The following PRKD3 variants were observed in gnomAD, a reference collection of about 807,000 sequenced individuals.
PRKD3 encodes serine/threonine-protein kinase D3.
PRKD3 carries 47 observed loss-of-function variants against 99.2 expected under a neutral mutation model. The ratio of observed to expected loss-of-function variants is 0.47; its 90% CI spans 0.38 to 0.60. The LOEUF (loss-of-function observed/expected upper bound fraction) is 0.60, where lower values mean the gene tolerates loss of function less well. Ranked by LOEUF, PRKD3 falls within the 20% of genes least tolerant of loss-of-function variation. The pLI, the probability that PRKD3 is intolerant of heterozygous loss-of-function variation, is 0.00. For synonymous variants in PRKD3, 392 were observed against 355.4 expected, an observed-to-expected ratio of 1.10 and a Z score of -1.16; for missense variants, 1,019 against 1,088.4, an observed-to-expected ratio of 0.94 and a Z score of 0.90.
rs181235463 is a variant in PRKD3 at position 37,261,632 on chromosome 2, T to A, written c.1885-1248A>T. 8.6e-3 allele frequency among the ~76,000 whole-genome samples: 1,290 copies of A among 150,734 alleles called. 28 individuals carry two copies. The highest frequency in any genetic ancestry group is 0.03 in the African/African-American group (1,240 of 40,870). On this transcript the variant is annotated intron_variant, in intron 14 of 18. Transcript: ENST00000234179. ...CTAGTCTCTACTAAAAATACAAAAT[T>A]AGCCGGGTGTGGTGGCGCAAGCCTG...
intron 16 of PRKD3, among the ~76,000 whole-genome samples, chr2:37,257,671 GAAAAAAA>G (rs1164110574): frequency 1.1e-4 from 3 of 28,566 alleles, no homozygotes; most frequent in Non-Finnish European, 2.2e-4. Flanking sequence ...TGTCTCAAAA[GAAAAAAA>G]AAAAAAAAAA....
At chr2:37,314,899 TAA>T (rs1671592764) in intron 2 of PRKD3, among the ~76,000 whole-genome samples, 2 of 152,172 alleles carry the variant, frequency 1.3e-5, no homozygotes, top group Non-Finnish European at 2.9e-5. Flanking sequence ...TCTACAGAAG[TAA>T]AGTTATTCTT....
chr2:37,277,890 G>A lies in PRKD3; in HGVS notation c.1272C>T (p.Val424=), dbSNP rs867742856. 1.9e-6 allele frequency: 3 copies of A among 1,613,570 alleles called. No homozygotes were observed. The Middle Eastern group carries it at 5.0e-4, about 267-fold the overall frequency. Residue 424 remains valine, a synonymous_variant, in exon 9 of 19, where the codon GTC becomes GTT. Coordinates refer to ENST00000234179, the MANE Select transcript of PRKD3 (RefSeq NM_005813.6). ...SSTMVKEGWM[V]HYTSRDNLRK... ...CCAGGTTATCCCTGCTGGTGTAATG[G>A]ACCATCCACCCTTCCTTCACCATTG...
chr2:37,263,074 G>C (rs951334907), intron 14 of PRKD3, among the ~76,000 whole-genome samples: 1 of 151,726 alleles, frequency 6.6e-6, no homozygotes, highest in Non-Finnish European at 1.5e-5. Context: ...ATTCCTTTCT[G>C]CTTTCTTTAG....
intron 2 of PRKD3, among the ~76,000 whole-genome samples, chr2:37,312,998 AG>A (rs1434565136): frequency 6.6e-6 from 1 of 152,254 alleles, no homozygotes; most frequent in African/African-American, 2.4e-5. Context: ...AAATGACAAT[AG>A]GAAGAAAATA....
At chr2:37,261,968 G>A (rs1035460819) in intron 14 of PRKD3, among the ~76,000 whole-genome samples, 3 of 152,138 alleles carry the variant, frequency 2.0e-5, no homozygotes, top group East Asian at 1.9e-4. Context: ...AGTGTAAAAT[G>A]GTCTTTGTGT....
At chr2:37,301,086 A>C (rs1407657818) in intron 2 of PRKD3, among the ~76,000 whole-genome samples, 1 of 152,202 alleles carries the variant, frequency 6.6e-6, no homozygotes, top group African/African-American at 2.4e-5. Flanking sequence ...TCTTTTCTGT[A>C]AATTAGGAAT....
chr2:37,301,083 T>C (rs766707992), intron 2 of PRKD3, among the ~76,000 whole-genome samples: 3 of 152,266 alleles, frequency 2.0e-5, no homozygotes, highest in Non-Finnish European at 2.9e-5. Context: ...TTTTCTTTTC[T>C]GTAAATTAGG....
chr2:37,313,496 A>G (rs1482483096), intron 2 of PRKD3, among the ~76,000 whole-genome samples: 1 of 152,232 alleles, frequency 6.6e-6, no homozygotes, highest in African/African-American at 2.4e-5. Context: ...TATGGAAAAC[A>G]GTATTAAATA....
rs765143492 is a variant in PRKD3 at position 37,256,795 on chromosome 2, C to T, written c.2280G>A (p.Trp760Ter). The T allele has an allele frequency of 1.9e-6, 3 of 1,613,834 alleles. No individual in the cohort carries two copies. The highest frequency in any genetic ancestry group is 2.5e-6 in the Non-Finnish European group (3 of 1,179,998). The change falls in exon 17 of 19, where the codon TGG becomes TGA. Residue 760 changes from tryptophan (W) to a stop codon, truncating the protein, a stop_gained. Coordinates refer to ENST00000234179, the MANE Select transcript of PRKD3 (RefSeq NM_005813.6). LOFTEE classifies it high-confidence loss of function. ...SKGYNRSLDM[W>*]SVGVIIYVSL... ...TCACATAGATGATAACTCCCACTGA[C>T]CACATATCTAGGGAACGGTTGTAAC...
chr2:37,267,612 T>A (rs542564244), intron 13 of PRKD3, 76 bp from the exon 14 acceptor site: 1 of 1,042,908 alleles, frequency 9.6e-7, no homozygotes, highest in Non-Finnish European at 1.5e-6. Context: ...AGACTGAAAT[T>A]TATATGTATT....
chr2:37,290,834 T>C (rs1243313462), intron 4 of PRKD3, 34 bp downstream of exon 4: 1 of 1,546,442 alleles, frequency 6.5e-7, no homozygotes. Flanking sequence ...TGGAATCTTA[T>C]TTCAAATGAC....
chr2:37,308,259 T>A (rs1180855098), intron 2 of PRKD3, among the ~76,000 whole-genome samples: 2 of 152,218 alleles, frequency 1.3e-5, no homozygotes, highest in Non-Finnish European at 2.9e-5. Context: ...TATATATGTA[T>A]ACGTTATAAT....
Position 37,252,641 on chromosome 2 carries a change from C to T in PRKD3, c.*536G>A, listed in dbSNP as rs188065403. ...TTTTTCTAGGCATCTAAGAAAAACC[C>T]TTCAATGCCTCTATGGTTTGTTAAA... On this transcript the variant is annotated 3_prime_UTR_variant, in exon 19 of 19. Coordinates refer to ENST00000234179, the MANE Select transcript of PRKD3 (RefSeq NM_005813.6). 31 of 151,984 alleles carry T rather than the reference C, an allele frequency of 2.0e-4. 1 individual carries two copies. The highest frequency in any genetic ancestry group is 1.9e-3 in the Admixed American group (29 of 15,250). 9.4% of individuals were successfully genotyped at this position (151,984 alleles called of 1,614,324 possible).
At chr2:37,257,742 CTT>C (rs1668097024) in intron 16 of PRKD3, among the ~76,000 whole-genome samples, 1 of 148,882 alleles carries the variant, frequency 6.7e-6, no homozygotes, top group African/African-American at 2.5e-5. Context: ...CCTAGAATCT[CTT>C]TTCCTAAGGA....
intron 2 of PRKD3, among the ~76,000 whole-genome samples, chr2:37,316,004 C>T (rs11890709): frequency 0.045 from 6,825 of 152,298 alleles, 168 homozygotes; most frequent in African/African-American, 0.051. Context: ...GGATTACAGG[C>T]GTGAGCCACT....
intron 1 of PRKD3, among the ~76,000 whole-genome samples, chr2:37,322,943 T>C (rs2124914264): frequency 6.7e-6 from 1 of 148,538 alleles, no homozygotes; most frequent in Non-Finnish European, 1.5e-5. Flanking sequence ...AACAATTAAC[T>C]CCACTGTAGT....
intron 1 of PRKD3, among the ~76,000 whole-genome samples, chr2:37,319,264 G>A (rs1292638920): frequency 6.6e-6 from 1 of 152,184 alleles, no homozygotes; most frequent in Non-Finnish European, 1.5e-5. Flanking sequence ...TTGCAAGAAT[G>A]TTACTGGAGT....
At chr2:37,271,852 A>G (rs575437262) in intron 12 of PRKD3, among the ~76,000 whole-genome samples, 5 of 152,312 alleles carry the variant, frequency 3.3e-5, no homozygotes, top group Admixed American at 2.6e-4. Context: ...TACTTACTAA[A>G]AAGTTTACGG....
Sources: gnomAD v4.1 joint callset for allele counts (sites outside exome capture counted in the v4.1 genomes callset) on GRCh38, gnomAD v4.1.1 for gene constraint, MANE v1.5 for transcripts, NCBI Gene and HGNC (gene_info 2026-07-23, HGNC 2026-07-21) for gene names.